Variants in LITAF observed in about 807,000 individuals in gnomAD.
LITAF encodes lipopolysaccharide-induced tumor necrosis factor-alpha factor.
Under a neutral mutation model 14.5 loss-of-function variants are expected in LITAF, and 9 were observed. That is an observed-to-expected ratio of 0.62 (90% CI 0.37 to 1.08). The LOEUF (loss-of-function observed/expected upper bound fraction) is 1.08, where lower values mean the gene tolerates loss of function less well. LITAF is among the 50% of genes least tolerant of loss of function. The probability of loss-of-function intolerance (pLI) is 0.01; values close to 1 mark genes in which losing one functional copy is unlikely to be tolerated. For synonymous variants in LITAF, 98 were observed against 88.2 expected (o/e 1.11, Z -0.62); for missense variants, 206 against 213.4 (o/e 0.97, Z 0.22).
At chr16:11,591,134 G>T (rs2064843701), upstream of LITAF, among the ~76,000 whole-genome samples, 1 of 118,710 alleles carries the variant, frequency 8.4e-6, no homozygotes, top group Non-Finnish European at 1.7e-5. Flanking sequence ...ATTTCAAATA[G>T]CCAAAACAAT....
upstream of LITAF, among the ~76,000 whole-genome samples, chr16:11,600,343 G>A (rs2064919370): frequency 6.6e-6 from 1 of 152,190 alleles, no homozygotes; most frequent in Non-Finnish European, 1.5e-5. The surrounding 1 kb of genome is among the most constrained non-coding windows in gnomAD (Gnocchi z 4.1). Flanking sequence ...CAGCTAGAGG[G>A]TCCCTGCTGG....
At chr16:11,591,512 C>G (rs1343266923), upstream of LITAF, among the ~76,000 whole-genome samples, 1 of 151,944 alleles carries the variant, frequency 6.6e-6, no homozygotes, top group African/African-American at 2.4e-5. Context: ...AAACTTACTA[C>G]AGAGATACAG....
At chr16:11,590,321 CAAAG>C (rs1473252159), upstream of LITAF, among the ~76,000 whole-genome samples, 3 of 116,884 alleles carry the variant, frequency 2.6e-5, no homozygotes, top group African/African-American at 8.1e-5. Flanking sequence ...AGAAATCTTT[CAAAG>C]AAAGAGAGAG....
intron 3 of LITAF, among the ~76,000 whole-genome samples, chr16:11,629,522 T>A (rs567763344): frequency 2.6e-5 from 4 of 152,166 alleles, no homozygotes; most frequent in Non-Finnish European, 5.9e-5. Flanking sequence ...CAGTCGGTCC[T>A]TCTGGGGTCC....
chr16:11,610,201 T>C (rs1567262738), intron 3 of LITAF, among the ~76,000 whole-genome samples: 1 of 152,218 alleles, frequency 6.6e-6, no homozygotes, highest in Non-Finnish European at 1.5e-5. Flanking sequence ...CCGCACACAA[T>C]GGCCCCTCAG....
chr16:11,640,009 A>T (rs62040587), upstream of LITAF, among the ~76,000 whole-genome samples: 6 of 152,006 alleles, frequency 3.9e-5, no homozygotes, highest in Non-Finnish European at 7.4e-5. Context: ...TCCTGGCTCA[A>T]GCAATCCACC....
chr16:11,553,370 C>T lies in LITAF; in HGVS notation c.377+163G>A. On this transcript the variant is annotated intron_variant, in intron 3 of 3. Transcript: ENST00000622633. The surrounding 1 kb of genome is among the most constrained non-coding windows in gnomAD (Gnocchi z 7.7). Reference sequence around the variant, plus strand: ...GGGTTACAGTGAGCCGAGATCGCCCCACTGTACTCCAGCCTGGGCGACAGA... The same window carrying T: ...GGGTTACAGTGAGCCGAGATCGCCCTACTGTACTCCAGCCTGGGCGACAGA... 1.4e-6 allele frequency: 1 copy of T among 737,530 alleles called. No individual in the cohort carries two copies. 45.7% of individuals were successfully genotyped at this position (737,530 alleles called of 1,614,324 possible).
chr16:11,610,059 A>T (rs1209766520), intron 3 of LITAF, among the ~76,000 whole-genome samples: 1 of 152,126 alleles, frequency 6.6e-6, no homozygotes, highest in Non-Finnish European at 1.5e-5. Flanking sequence ...CCTAGTCCCC[A>T]CTGCTCCTGA....
intron 3 of LITAF, among the ~76,000 whole-genome samples, chr16:11,614,105 C>G (rs1185447782): frequency 6.6e-6 from 1 of 152,046 alleles, no homozygotes; most frequent in East Asian, 1.9e-4. Flanking sequence ...GTCCTAGTCT[C>G]TCTCACTCTC....
chr16:11,603,108 A>G (rs896338885), upstream of LITAF, among the ~76,000 whole-genome samples: 2 of 152,158 alleles, frequency 1.3e-5, no homozygotes, highest in African/African-American at 2.4e-5. Flanking sequence ...AGAAAATAAA[A>G]TAGAACACAT....
intron 1 of LITAF, among the ~76,000 whole-genome samples, chr16:11,580,872 C>T (rs148485646): frequency 3.0e-3 from 450 of 152,314 alleles, no homozygotes; most frequent in African/African-American, 9.9e-3. Context: ...TCAAGCGATC[C>T]TCTTGCCTCA....
At chr16:11,630,437 C>T (rs1448315035) in intron 3 of LITAF, among the ~76,000 whole-genome samples, 1 of 152,192 alleles carries the variant, frequency 6.6e-6, no homozygotes, top group Non-Finnish European at 1.5e-5. Flanking sequence ...GCGGGGACAC[C>T]TCTTGGGCCT....
intron 3 of LITAF, among the ~76,000 whole-genome samples, chr16:11,627,490 C>A (rs1463544230): frequency 1.3e-5 from 2 of 152,260 alleles, no homozygotes; most frequent in African/African-American, 4.8e-5. Flanking sequence ...AAACCAGTTC[C>A]AGTGGGATTC....
At chr16:11,564,753 C>A (rs542742842) in intron 1 of LITAF, among the ~76,000 whole-genome samples, 4 of 152,148 alleles carry the variant, frequency 2.6e-5, no homozygotes, top group South Asian at 2.1e-4. Context: ...CTGATCATTC[C>A]GGCTCCACGA....
At chr16:11,624,873 TAA>T (rs544201842) in intron 3 of LITAF, among the ~76,000 whole-genome samples, 100 of 152,294 alleles carry the variant, frequency 6.6e-4, no homozygotes, top group Non-Finnish European at 9.7e-4. Context: ...ATTTTGAGGC[TAA>T]GACTTAAGAG....
At chr16:11,637,054 C>G (rs920096046), upstream of LITAF, among the ~76,000 whole-genome samples, 6 of 152,016 alleles carry the variant, frequency 3.9e-5, no homozygotes, top group African/African-American at 1.4e-4. Flanking sequence ...GTGAGCCCAG[C>G]TAATTTTTGT....
At chr16:11,610,276 T>C (rs1038125664) in intron 3 of LITAF, among the ~76,000 whole-genome samples, 1 of 152,218 alleles carries the variant, frequency 6.6e-6, no homozygotes, top group African/African-American at 2.4e-5. Context: ...ATGTCTGTCT[T>C]CTTTCAGGAC....
rs190484543 is a variant in LITAF at position 11,548,951 on chromosome 16, G to A, written c.*686C>T. ...CTGAAGATCTGGCACAGAGAAACAAGGGGAGACAGGGCAGTGATAAGATCC... is the reference window on the plus strand; with the variant it reads ...CTGAAGATCTGGCACAGAGAAACAAAGGGAGACAGGGCAGTGATAAGATCC... On this transcript the variant is annotated 3_prime_UTR_variant, in exon 4 of 4. Transcript: ENST00000622633. 7.8e-4 allele frequency: 354 copies of A among 454,062 alleles called. No individual in the cohort carries two copies. Among genetic ancestry groups the A allele is most frequent in the African/African-American group, 6.1e-3 (307 of 50,104 alleles). The allele number at this position is 454,062 out of a possible 1,614,324, so 28.1% of individuals were successfully genotyped here. A position where few individuals can be genotyped will look rare whatever the true frequency, so the allele number is the denominator to read the frequency against.
upstream of LITAF, among the ~76,000 whole-genome samples, chr16:11,637,858 GT>G (rs2065143909): frequency 1.4e-5 from 2 of 140,542 alleles, no homozygotes; most frequent in South Asian, 4.4e-4. Flanking sequence ...GCTAGTCTGG[GT>G]GACAGAGTGA....
Sources: allele counts gnomAD v4.1 joint callset (sites outside exome capture counted in the v4.1 genomes callset), GRCh38; gene constraint gnomAD v4.1.1; non-coding constraint Gnocchi (gnomAD v3.1); transcripts MANE v1.5; gene names NCBI Gene and HGNC (gene_info 2026-07-23, HGNC 2026-07-21).